Variants in SLCO1B1 observed in about 807,000 individuals in gnomAD.
SLCO1B1 encodes the protein OATP-2.
SLCO1B1 carries 81 observed loss-of-function variants against 70.1 expected under a neutral mutation model. The ratio of observed to expected loss-of-function variants is 1.16; its 90% confidence interval spans 0.97 to 1.39. SLCO1B1 has a LOEUF of 1.39. Among genes scored for constraint, SLCO1B1 ranks in the 40% most tolerant of loss-of-function variants. SLCO1B1 has a pLI of 0.00. For synonymous variants in SLCO1B1, 283 were observed against 271.5 expected (o/e 1.04, Z -0.42); for missense variants, 895 against 799.6 (o/e 1.12, Z -1.44).
At chr12:21,144,188 A>G (rs1181471256) in intron 2 of SLCO1B1, among the ~76,000 whole-genome samples, 1 of 152,172 alleles carries the variant, frequency 6.6e-6, no homozygotes, top group Non-Finnish European at 1.5e-5. Context: ...AAACAATTCA[A>G]GAGTTTAAAG....
intron 14 of SLCO1B1, among the ~76,000 whole-genome samples, chr12:21,228,711 G>C (rs1030215964): frequency 7.9e-5 from 12 of 152,176 alleles, no homozygotes; most frequent in African/African-American, 2.7e-4. Context: ...GTGGCCTCTA[G>C]AAGTGAGAAA....
intron 2 of SLCO1B1, among the ~76,000 whole-genome samples, chr12:21,154,792 G>A (rs74952210): frequency 0.014 from 2,167 of 151,964 alleles, 52 homozygotes; most frequent in African/African-American, 0.049. Context: ...TTTCCAGTAC[G>A]TGTTTGGTTG....
chr12:21,234,247 A>G (rs765883509), intron 14 of SLCO1B1, among the ~76,000 whole-genome samples: 3 of 152,070 alleles, frequency 2.0e-5, no homozygotes, highest in Non-Finnish European at 2.9e-5. Context: ...ACAGGATGAG[A>G]TAGGCCAGTT....
chr12:21,193,953 G>A (rs554618215), intron 7 of SLCO1B1, among the ~76,000 whole-genome samples: 2 of 152,170 alleles, frequency 1.3e-5, no homozygotes, highest in South Asian at 2.1e-4. Context: ...ACGATGCCTG[G>A]CTAATTTTTT....
At chr12:21,214,929 C>T (rs886834601) in intron 11 of SLCO1B1, among the ~76,000 whole-genome samples, 16 of 151,950 alleles carry the variant, frequency 1.1e-4, no homozygotes, top group South Asian at 2.1e-4. Flanking sequence ...GGCTCACGCA[C>T]GGTGCGCGCA....
chr12:21,172,562 A>T, intron 2 of SLCO1B1, 88 bp from the exon 3 acceptor site: 1 of 1,402,992 alleles, frequency 7.1e-7, no homozygotes, highest in Non-Finnish European at 1.0e-6. Context: ...TTAAGTAAAG[A>T]AGAAAGCTAT....
intron 8 of SLCO1B1, among the ~76,000 whole-genome samples, chr12:21,198,700 T>A (rs1296366168): frequency 1.3e-5 from 2 of 152,162 alleles, no homozygotes; most frequent in Admixed American, 1.3e-4. Flanking sequence ...CTAAAACTGA[T>A]TAGAATGAAA....
intron 7 of SLCO1B1, among the ~76,000 whole-genome samples, chr12:21,183,570 CAG>C (rs1940930331): frequency 6.6e-6 from 1 of 152,226 alleles, no homozygotes; most frequent in South Asian, 2.1e-4. Context: ...AAATATTGTG[CAG>C]AGTCTTATCC....
rs371209122 is a variant in SLCO1B1 at position 21,164,394 on chromosome 12, T to C, written c.85-8256T>C. Among the ~76,000 whole-genome samples the C allele has an allele frequency of 1.1e-3, 170 of 152,306 alleles. 3 individuals carry two copies. The South Asian group carries it at 0.034, about 31-fold the overall frequency. ...AAACAAAATCAGAATTTACATTTTC[T>C]ATTTTCCCCACCTCCTGTTGGTTCT... is the stretch of plus-strand genomic sequence containing the variant. On this transcript the variant is annotated intron_variant, in intron 2 of 14. Coordinates refer to ENST00000256958, the MANE Select transcript of SLCO1B1 (RefSeq NM_006446.5).
chr12:21,183,060 G>A (rs748123263), intron 7 of SLCO1B1, among the ~76,000 whole-genome samples: 4 of 152,188 alleles, frequency 2.6e-5, no homozygotes, highest in Non-Finnish European at 5.9e-5. Flanking sequence ...CTGTTAAGGG[G>A]GTCATCTCTC....
Position 21,213,559 on chromosome 12 carries a change from C to G in SLCO1B1, c.1498-3560C>G, listed in dbSNP as rs1161816633. On this transcript the variant is annotated intron_variant, in intron 11 of 14. Coordinates refer to ENST00000256958, the MANE Select transcript of SLCO1B1 (RefSeq NM_006446.5). ...TTATGTGTCTTGGAGTTGCTCTTCT[C>G]AAGGAGTATCTTTGTGGCATTCTCT... Among the ~76,000 whole-genome samples, 9 of 137,392 alleles carry G rather than the reference C, an allele frequency of 6.6e-5. No individual in the cohort carries two copies. In the South Asian group the frequency reaches 9.1e-4, roughly 14 times the overall value. 90.1% of individuals were successfully genotyped at this position (137,392 alleles called of 152,430 possible).
chr12:21,181,088 G>A (rs570879831), intron 7 of SLCO1B1, among the ~76,000 whole-genome samples: 1 of 152,302 alleles, frequency 6.6e-6, no homozygotes, highest in South Asian at 2.1e-4. Flanking sequence ...TTTTGGTTGT[G>A]AACTGCTCTC....
chr12:21,222,226 G>A, intron 12 of SLCO1B1, 74 bp from the exon 13 acceptor site: 1 of 682,396 alleles, frequency 1.5e-6, no homozygotes. Flanking sequence ...AAACAACACA[G>A]GAGAAGGTTT....
chr12:21,135,535 A>G (rs148278034), intron 1 of SLCO1B1, among the ~76,000 whole-genome samples: 2,323 of 152,272 alleles, frequency 0.015, 54 homozygotes, highest in African/African-American at 0.053. Flanking sequence ...GGGTGCATAT[A>G]TATTTAGGAT....
intron 2 of SLCO1B1, among the ~76,000 whole-genome samples, chr12:21,170,024 C>T (rs1455446999): frequency 6.6e-6 from 1 of 152,112 alleles, no homozygotes; most frequent in African/African-American, 2.4e-5. Flanking sequence ...TCCCCTGGGG[C>T]TTGAGGTACA....
At chr12:21,139,092 T>C in intron 1 of SLCO1B1, among the ~76,000 whole-genome samples, 1 of 152,046 alleles carries the variant, frequency 6.6e-6, no homozygotes, top group East Asian at 1.9e-4. Context: ...CTTCAAGACA[T>C]CAAGAATATT....
chr12:21,146,105 A>G (rs1940378706), intron 2 of SLCO1B1, among the ~76,000 whole-genome samples: 1 of 152,170 alleles, frequency 6.6e-6, no homozygotes, highest in Non-Finnish European at 1.5e-5. Context: ...GAAAGTTATT[A>G]AAATCAGTTC....
chr12:21,215,359 C>T (rs1941345449), intron 11 of SLCO1B1, among the ~76,000 whole-genome samples: 1 of 152,106 alleles, frequency 6.6e-6, no homozygotes, highest in Non-Finnish European at 1.5e-5. Context: ...TCCTTCAATG[C>T]CCAGTTTGTT....
In SLCO1B1 at chr12:21,174,647, C is replaced by T. The variant is rs748000403; in HGVS notation, c.297C>T (p.Ile99=). The T allele has an allele frequency of 1.4e-5, 23 of 1,611,298 alleles. No individual in the cohort carries two copies. Among genetic ancestry groups the T allele is most frequent in the Admixed American group, 8.4e-5 (5 of 59,820 alleles). The stretch of plus-strand genomic sequence containing the variant: ...TACATAGACCAAAGTTAATTGGAAT[C>T]GGTTGTTTCATTATGGGAATTGGAG... ...SKLHRPKLIG[I]GCFIMGIGGV... is the part of the protein sequence containing the mutation. The change falls in exon 4 of 15, where the codon ATC becomes ATT. Residue 99 remains isoleucine, a synonymous_variant. Coordinates refer to ENST00000256958, the MANE Select transcript of SLCO1B1 (RefSeq NM_006446.5).
Sources: allele counts gnomAD v4.1 joint callset (sites outside exome capture counted in the v4.1 genomes callset), GRCh38; gene constraint gnomAD v4.1.1; transcripts MANE v1.5; gene names NCBI Gene and HGNC (gene_info 2026-07-23, HGNC 2026-07-21).